The following STK32B variants were observed in gnomAD, a reference collection of about 807,000 sequenced individuals.
STK32B encodes serine/threonine-protein kinase 32B.
In STK32B, 43 loss-of-function variants were observed where a neutral mutation model predicts 52.6. The ratio of observed to expected loss-of-function variants is 0.82; its 90% confidence interval spans 0.64 to 1.05. The LOEUF (loss-of-function observed/expected upper bound fraction) is 1.05. STK32B is among the 50% of genes least tolerant of loss of function. The pLI is 0.00. For missense variants in STK32B, 621 were observed against 534.6 expected, an observed-to-expected ratio of 1.16 and a Z score of -1.59; for synonymous variants, 238 against 204.3, an observed-to-expected ratio of 1.17 and a Z score of -1.41.
At chr4:5,138,188 G>T (rs891240996) in intron 1 of STK32B, among the ~76,000 whole-genome samples, 2 of 152,204 alleles carry the variant, frequency 1.3e-5, no homozygotes, top group Non-Finnish European at 2.9e-5. Flanking sequence ...GTTTTAGTAA[G>T]TTAACCATTA....
chr4:5,284,885 A>G (rs529175207), intron 3 of STK32B, among the ~76,000 whole-genome samples: 18 of 152,278 alleles, frequency 1.2e-4, no homozygotes, highest in African/African-American at 4.3e-4. Flanking sequence ...GACCCATACA[A>G]AGTGCCACTT....
chr4:5,118,516 G>A (rs1307452510), intron 1 of STK32B, among the ~76,000 whole-genome samples: 1 of 152,178 alleles, frequency 6.6e-6, no homozygotes, highest in Non-Finnish European at 1.5e-5. Flanking sequence ...CATCAGGCAT[G>A]GCTGCAGGCT....
intron 2 of STK32B, among the ~76,000 whole-genome samples, chr4:5,164,850 C>T (rs1718747053): frequency 6.6e-6 from 1 of 152,236 alleles, no homozygotes. Flanking sequence ...TGTCTCCACT[C>T]AGTGCATTAG....
the STK32B span, among the ~76,000 whole-genome samples, chr4:5,041,724 T>A: frequency 6.6e-6 from 1 of 152,144 alleles, no homozygotes; most frequent in African/African-American, 2.4e-5. Context: ...TAATTCGCTA[T>A]CTGAGTGAGA....
chr4:5,054,349 T>C (rs1302270788), intron 1 of STK32B, among the ~76,000 whole-genome samples: 2 of 150,622 alleles, frequency 1.3e-5, no homozygotes, highest in Non-Finnish European at 3.0e-5. Flanking sequence ...TAACTCAGAG[T>C]GGGGGGAGGG....
At chr4:5,193,180 G>A (rs531141996) in intron 3 of STK32B, among the ~76,000 whole-genome samples, 1 of 152,204 alleles carries the variant, frequency 6.6e-6, no homozygotes, top group South Asian at 2.1e-4. Context: ...TGCCTCCTGA[G>A]CTCTCTCTGA....
intron 5 of STK32B, among the ~76,000 whole-genome samples, chr4:5,413,625 G>A (rs1259465647): frequency 6.6e-6 from 1 of 152,170 alleles, no homozygotes; most frequent in Non-Finnish European, 1.5e-5. Context: ...CTTCTTTATA[G>A]CAAAAGGCAC....
intron 4 of STK32B, among the ~76,000 whole-genome samples, chr4:5,358,358 A>G (rs1280020918): frequency 2.6e-5 from 4 of 152,372 alleles, no homozygotes; most frequent in South Asian, 2.1e-4. Context: ...TTCAAAAGCA[A>G]GACGATGAAT....
At chr4:5,447,437 G>C (rs969238580) in intron 7 of STK32B, 2 of 152,034 alleles carry the variant, frequency 1.3e-5, no homozygotes, top group African/African-American at 4.8e-5. Flanking sequence ...AGACCAGCCT[G>C]GGAAACATAG....
At chr4:5,203,837 C>T (rs550775027) in intron 3 of STK32B, among the ~76,000 whole-genome samples, 43 of 152,284 alleles carry the variant, frequency 2.8e-4, no homozygotes, top group African/African-American at 8.7e-4. Flanking sequence ...TTCAGGGGCC[C>T]GCCCTTGCAC....
chr4:5,484,057 A>G (rs1379302258), intron 11 of STK32B, among the ~76,000 whole-genome samples: 2 of 152,168 alleles, frequency 1.3e-5, no homozygotes, highest in Non-Finnish European at 2.9e-5. Context: ...AAAAGAATGT[A>G]TATTCTGTTG....
At chr4:5,424,675 C>T (rs887072080) in intron 6 of STK32B, among the ~76,000 whole-genome samples, 11 of 152,218 alleles carry the variant, frequency 7.2e-5, no homozygotes, top group Admixed American at 2.0e-4. Context: ...CACCTCTTTG[C>T]GTTGCTTACC....
chr4:5,444,200 C>G (rs917293976), intron 6 of STK32B, among the ~76,000 whole-genome samples: 1 of 152,210 alleles, frequency 6.6e-6, no homozygotes, highest in Non-Finnish European at 1.5e-5. Flanking sequence ...CTCCCCCAGC[C>G]TCGCTGCCGC....
intron 3 of STK32B, among the ~76,000 whole-genome samples, chr4:5,205,410 A>T (rs1722487174): frequency 6.6e-6 from 1 of 152,256 alleles, no homozygotes; most frequent in African/African-American, 2.4e-5. Flanking sequence ...AAGGACCCTA[A>T]CTAATACACC....
chr4:5,095,959 C>G (rs1044600157), intron 1 of STK32B, among the ~76,000 whole-genome samples: 1 of 152,088 alleles, frequency 6.6e-6, no homozygotes, highest in Non-Finnish European at 1.5e-5. Flanking sequence ...GCTGGTTACA[C>G]GTGAACTGGA....
intron 1 of STK32B, among the ~76,000 whole-genome samples, chr4:5,088,259 A>G (rs1197622026): frequency 6.6e-6 from 1 of 152,096 alleles, no homozygotes; most frequent in East Asian, 1.9e-4. Context: ...CATGGTATGC[A>G]TATATCATAG....
chr4:5,161,469 C>G (rs982409725), intron 2 of STK32B, among the ~76,000 whole-genome samples: 5 of 152,216 alleles, frequency 3.3e-5, no homozygotes, highest in Admixed American at 3.3e-4. Context: ...TGCTGTTGTT[C>G]CAGACATTAC....
intron 3 of STK32B, among the ~76,000 whole-genome samples, chr4:5,199,426 G>A (rs936896742): frequency 2.0e-5 from 3 of 151,672 alleles, no homozygotes; most frequent in East Asian, 1.9e-4. Context: ...ACCTATTGGT[G>A]CCTTATGTGG....
At chr4:5,349,573 C>G (rs377210537) in intron 4 of STK32B, among the ~76,000 whole-genome samples, 7 of 151,968 alleles carry the variant, frequency 4.6e-5, no homozygotes, top group African/African-American at 1.7e-4. Context: ...ACACAGGAAA[C>G]ATGAAAAAGC....
Sources: gnomAD v4.1 joint callset for allele counts (sites outside exome capture counted in the v4.1 genomes callset) on GRCh38, gnomAD v4.1.1 for gene constraint, MANE v1.5 for transcripts, NCBI Gene and HGNC (gene_info 2026-07-23, HGNC 2026-07-21) for gene names.